The following BBOF1 variants were observed in gnomAD, a reference collection of about 807,000 sequenced individuals.
BBOF1 encodes the protein basal body-orientation factor 1.
BBOF1 carries 62 observed loss-of-function variants against 68.0 expected under a neutral mutation model. The observed-to-expected ratio is 0.91, with a 90% CI of 0.74 to 1.13. BBOF1 has a LOEUF of 1.13. BBOF1 is among the 50% of genes most tolerant of loss of function. The pLI is 0.00. For missense variants in BBOF1, 534 were observed against 600.1 expected (o/e 0.89, Z 1.15); for synonymous variants, 208 against 198.8 (o/e 1.05, Z -0.39).
chr14:74,066,860 G>A, downstream of BBOF1: 1 of 1,613,972 alleles, frequency 6.2e-7, no homozygotes, highest in Non-Finnish European at 8.5e-7. Context: ...GTGATCAGAG[G>A]GCCAAGATCA....
intron 4 of BBOF1, among the ~76,000 whole-genome samples, chr14:74,036,135 AACCTCC>A (rs201385029): frequency 0.016 from 2,396 of 151,894 alleles, 58 homozygotes; most frequent in African/African-American, 0.054. Context: ...TGCTCACTGC[AACCTCC>A]ACCTCCTGGG....
In BBOF1 at chr14:74,056,984, A is replaced by G. The variant is rs1259278976; in HGVS notation, c.1463+4A>G. 1 of 1,611,642 alleles carries G rather than the reference A, an allele frequency of 6.2e-7. No homozygotes were observed. Among genetic ancestry groups the G allele is most frequent in the South Asian group, 1.1e-5 (1 of 90,984 alleles). Reference sequence around the variant, plus strand: ...GTGGGGAAACAAAGGAATTTGGGTAAGAGCTCTCTTGCTTAAGTAATAAAC... The same window carrying G: ...GTGGGGAAACAAAGGAATTTGGGTAGGAGCTCTCTTGCTTAAGTAATAAAC... On this transcript the variant is annotated splice_donor_region_variant and intron_variant, in intron 10 of 11. Transcript: ENST00000394009.
chr14:74,028,425 A>G (rs2059482973), intron 2 of BBOF1, among the ~76,000 whole-genome samples: 1 of 151,334 alleles, frequency 6.6e-6, no homozygotes, highest in Admixed American at 6.6e-5. Context: ...CTGGGGTAAA[A>G]GGTCATCTTG....
In BBOF1 at chr14:74,022,927, AAAC is replaced by A. The variant is rs757450951; in HGVS notation, c.70_72del (p.Thr24del). 6.2e-7 allele frequency: 1 copy of A among 1,605,760 alleles called. No homozygotes were observed. Among genetic ancestry groups the A allele is most frequent in the Non-Finnish European group, 8.5e-7 (1 of 1,175,358 alleles). On this transcript the variant is annotated inframe_deletion, in exon 2 of 12. Transcript: ENST00000394009. ...CTCTTCCCATGCAGGAAGTTAATAA[AAAC>A]AGATGAATCTGTGGTGGACAGAGCC... is the stretch of plus-strand genomic sequence containing the variant.
Position 74,048,014 on chromosome 14 carries a change from C to T in BBOF1, c.732C>T (p.Asp244=), listed in dbSNP as rs114681409. The change falls in exon 7 of 12, where the codon GAC becomes GAT. Residue 244 remains aspartate, a synonymous_variant. Coordinates refer to ENST00000394009, the MANE Select transcript of BBOF1 (RefSeq NM_025057.3). ...KALAYHLKET[D]ALQKNSQKLQ... Reference sequence around the variant, plus strand: ...TGGCATATCACCTGAAGGAAACTGACGCTCTACAAAAAAACTCCCAGAAGT... The same window carrying T: ...TGGCATATCACCTGAAGGAAACTGATGCTCTACAAAAAAACTCCCAGAAGT... The T allele has an allele frequency of 6.0e-3, 9,719 of 1,612,814 alleles. 78 individuals are homozygous for T. Among genetic ancestry groups the T allele is most frequent in the Middle Eastern group, 0.031 (185 of 6,054 alleles).
downstream of BBOF1, chr14:74,068,958 G>C: frequency 6.2e-7 from 1 of 1,613,988 alleles, no homozygotes; most frequent in Non-Finnish European, 8.5e-7. Flanking sequence ...TTGATGTCCG[G>C]ATGATCGCAA....
chr14:74,035,236 A>T (rs1302411654), intron 4 of BBOF1, among the ~76,000 whole-genome samples: 2 of 150,470 alleles, frequency 1.3e-5, no homozygotes, highest in Non-Finnish European at 3.0e-5. Context: ...TAAAAAAAAA[A>T]TGGTCCTTAT....
chr14:74,064,944 A>T lies in BBOF1; in HGVS notation c.*245A>T, dbSNP rs2139763339. ...ACCTAAAACAGAACAAATCCGTGTC[A>T]TATCCTAAGGACAAAGGAACTCTCC... On this transcript the variant is annotated 3_prime_UTR_variant, in exon 12 of 12. Coordinates refer to ENST00000394009, the MANE Select transcript of BBOF1 (RefSeq NM_025057.3). 6.2e-7 allele frequency: 1 copy of T among 1,600,154 alleles called. No homozygotes were observed. The highest frequency in any genetic ancestry group is 2.2e-5 in the East Asian group (1 of 44,706).
intron 9 of BBOF1, 91 bp downstream of exon 9, chr14:74,055,776 T>A: frequency 1.0e-6 from 1 of 966,118 alleles, no homozygotes; most frequent in Non-Finnish European, 1.6e-6. Flanking sequence ...TACTTAGAAC[T>A]AAAGGGACGG....
At chr14:74,055,729 T>C (rs1208253247) in intron 9 of BBOF1, 44 bp downstream of exon 9, 1 of 1,419,632 alleles carries the variant, frequency 7.0e-7, no homozygotes, top group African/African-American at 1.4e-5. Context: ...TGTTATCAAA[T>C]CTAGAAACCA....
chr14:74,057,513 C>G (rs949644196), intron 11 of BBOF1: 2 of 1,375,930 alleles, frequency 1.5e-6, no homozygotes, highest in Non-Finnish European at 1.9e-6. Flanking sequence ...AGTAAACAGC[C>G]TAGCCAAAAT....
rs763886614 is a variant in BBOF1 at position 74,040,613 on chromosome 14, A to C, written c.544A>C (p.Arg182=). The change falls in exon 5 of 12, where the codon AGA becomes CGA. Residue 182 remains arginine (R), a synonymous_variant. Transcript: ENST00000394009. ...NTERIHQETL[R]RLESRFFEEK... ...AGAGCGGATACATCAGGAGACTCTTAGAAGACTGGAAAGCAGATTTTTTGA... is the reference window on the plus strand; with the variant it reads ...AGAGCGGATACATCAGGAGACTCTTCGAAGACTGGAAAGCAGATTTTTTGA... 3 of 1,594,330 alleles carry C rather than the reference A, an allele frequency of 1.9e-6. No homozygotes were observed. The highest frequency in any genetic ancestry group is 2.6e-6 in the Non-Finnish European group (3 of 1,172,420).
At chr14:74,068,796 GT>G, downstream of BBOF1, 1 of 1,580,172 alleles carries the variant, frequency 6.3e-7, no homozygotes, top group Non-Finnish European at 8.7e-7. Context: ...TCTGCTGAAG[GT>G]CTGTTCCTAG....
chr14:74,057,821 G>A (rs2060251839), intron 11 of BBOF1: 5 of 1,032,790 alleles, frequency 4.8e-6, no homozygotes, highest in Non-Finnish European at 4.7e-6. Context: ...TTTCATCTAA[G>A]AAATAAGAAA....
At chr14:74,079,473 G>A (rs1430701668) in intron 10 of BBOF1, among the ~76,000 whole-genome samples, 1 of 143,354 alleles carries the variant, frequency 7.0e-6, no homozygotes, top group African/African-American at 2.6e-5. Context: ...TCACTCTGTC[G>A]CCCAGGCTGG....
intron 2 of BBOF1, among the ~76,000 whole-genome samples, chr14:74,023,925 C>CAAAAAAAAAA (rs780429164): frequency 6.4e-5 from 3 of 46,682 alleles, no homozygotes; most frequent in Non-Finnish European, 9.2e-5. Context: ...GACTCCATCT[C>CAAAAAAAAAA]AAAAAAAAAA....
chr14:74,061,324 CAG>C (rs1331790529), intron 11 of BBOF1, among the ~76,000 whole-genome samples: 1 of 133,200 alleles, frequency 7.5e-6, no homozygotes, highest in African/African-American at 2.7e-5. Context: ...TATTTTGAGA[CAG>C]AGTCTTGCTC....
intron 3 of BBOF1, among the ~76,000 whole-genome samples, chr14:74,030,939 T>TAGAGAGAGAG (rs1491508222): frequency 6.9e-6 from 1 of 145,234 alleles, no homozygotes; most frequent in Non-Finnish European, 1.5e-5. Flanking sequence ...TATATATATA[T>TAGAGAGAGAG]AGAGAGAGAG....
chr14:74,019,630 C>T, intron 1 of BBOF1, 96 bp downstream of exon 1: 1 of 1,525,562 alleles, frequency 6.6e-7, no homozygotes. Context: ...CCGGCCCACT[C>T]GGACCCTCTC....
Sources: gnomAD v4.1 joint callset for allele counts (sites outside exome capture counted in the v4.1 genomes callset) on GRCh38, gnomAD v4.1.1 for gene constraint, MANE v1.5 for transcripts, NCBI Gene and HGNC (gene_info 2026-07-23, HGNC 2026-07-21) for gene names.